NAALADL2: variants seen among roughly 807,000 people sequenced by gnomAD.
NAALADL2 encodes the protein inactive N-acetylated-alpha-linked acidic dipeptidase-like protein 2.
A neutral mutation model predicts 87.2 loss-of-function variants in NAALADL2; 76 were observed. The observed-to-expected ratio is 0.87, with a 90% CI of 0.72 to 1.05. The LOEUF is 1.05. NAALADL2 is among the 50% of genes least tolerant of loss of function. The pLI is 0.00. For missense variants in NAALADL2, 1,089 were observed against 945.8 expected (o/e 1.15, Z -1.99); for synonymous variants, 354 against 331.0 (o/e 1.07, Z -0.75).
chr3:175,675,584 AT>A (rs1328531654), intron 11 of NAALADL2: 1 of 152,358 alleles, frequency 6.6e-6, no homozygotes, highest in East Asian at 1.9e-4. Flanking sequence ...TTAGATGAAT[AT>A]AACCCATTGA....
chr3:174,733,255 T>A (rs939817375), intron 2 of NAALADL2, among the ~76,000 whole-genome samples: 4 of 152,170 alleles, frequency 2.6e-5, no homozygotes, highest in Non-Finnish European at 5.9e-5. Flanking sequence ...TTCAGGCAAG[T>A]TTTTCTGCAA....
intron 2 of NAALADL2, among the ~76,000 whole-genome samples, chr3:174,622,963 A>C (rs1721175348): frequency 1.3e-5 from 2 of 152,186 alleles, no homozygotes; most frequent in South Asian, 4.1e-4. Context: ...GAATGGCGTG[A>C]ACCCAGGAGG....
chr3:175,339,212 C>T (rs576124619), intron 5 of NAALADL2, among the ~76,000 whole-genome samples: 2 of 152,156 alleles, frequency 1.3e-5, no homozygotes, highest in South Asian at 2.1e-4. Context: ...AATCACTAAT[C>T]GAAAGATAGA....
chr3:175,210,909 A>G (rs977042256), intron 2 of NAALADL2, among the ~76,000 whole-genome samples: 1 of 151,788 alleles, frequency 6.6e-6, no homozygotes, highest in Non-Finnish European at 1.5e-5. Flanking sequence ...AGCAGGATTT[A>G]TTTATTTATT....
At chr3:174,595,558 T>G (rs1404705549) in intron 2 of NAALADL2, among the ~76,000 whole-genome samples, 2 of 152,154 alleles carry the variant, frequency 1.3e-5, no homozygotes, top group African/African-American at 4.8e-5. Flanking sequence ...TCCCACCACT[T>G]CCTATCAATC....
chr3:175,215,392 T>C (rs2109304383), intron 2 of NAALADL2, among the ~76,000 whole-genome samples: 1 of 152,306 alleles, frequency 6.6e-6, no homozygotes, highest in South Asian at 2.1e-4. Flanking sequence ...CATTTTTCCA[T>C]ACATGTCTTG....
At chr3:175,353,634 T>C (rs1764027545) in intron 5 of NAALADL2, among the ~76,000 whole-genome samples, 1 of 152,214 alleles carries the variant, frequency 6.6e-6, no homozygotes, top group South Asian at 2.1e-4. Flanking sequence ...ATTTTGAGTT[T>C]CAAAGACTCT....
rs756972959 is a variant in NAALADL2 at position 175,627,405 on chromosome 3, C to T, written c.1896+19C>T. 3.1e-5 allele frequency: 44 copies of T among 1,425,376 alleles called. No homozygotes were observed. The highest frequency in any genetic ancestry group is 4.1e-5 in the Non-Finnish European group (43 of 1,040,114). 88.3% of individuals were successfully genotyped at this position (1,425,376 alleles called of 1,614,324 possible). A position where few individuals can be genotyped will look rare whatever the true frequency, so the allele number is the denominator to read the frequency against. ...TACTAAGGTAGGGGAGAAATGCATT[C>T]AAAAATAGGTGAGAAATATTTGTTC... On this transcript the variant is annotated intron_variant, in intron 11 of 13. Coordinates refer to ENST00000454872, the MANE Select transcript of NAALADL2 (RefSeq NM_207015.3).
At chr3:175,272,160 A>C (rs1752935577) in intron 4 of NAALADL2, among the ~76,000 whole-genome samples, 2 of 152,158 alleles carry the variant, frequency 1.3e-5, no homozygotes, top group Admixed American at 6.5e-5. Context: ...TCATTTTTAG[A>C]CATCGATGGA....
intron 2 of NAALADL2, among the ~76,000 whole-genome samples, chr3:175,167,305 G>C (rs911291249): frequency 3.9e-5 from 6 of 152,076 alleles, no homozygotes; most frequent in African/African-American, 1.4e-4. Context: ...TACAGCTAGA[G>C]TGAGCTCTCT....
At chr3:175,788,758 G>C (rs1035801497) in intron 13 of NAALADL2, among the ~76,000 whole-genome samples, 3 of 152,108 alleles carry the variant, frequency 2.0e-5, no homozygotes, top group African/African-American at 7.2e-5. Context: ...ATATTTCTTA[G>C]AAAACAATGT....
chr3:174,538,624 A>AT (rs1055136970), intron 1 of NAALADL2, among the ~76,000 whole-genome samples: 3 of 152,172 alleles, frequency 2.0e-5, no homozygotes, highest in South Asian at 2.1e-4. Context: ...AGATTCTGGC[A>AT]TTTTTTTAAG....
intron 1 of NAALADL2, among the ~76,000 whole-genome samples, chr3:174,863,483 T>C (rs114427214): frequency 0.015 from 2,210 of 152,132 alleles, 45 homozygotes; most frequent in African/African-American, 0.051. Flanking sequence ...CTAGGAGAAG[T>C]TGGCTTGTAA....
intron 4 of NAALADL2, among the ~76,000 whole-genome samples, chr3:175,295,741 ACACACT>A (rs1337795884): frequency 6.6e-6 from 1 of 150,676 alleles, no homozygotes; most frequent in African/African-American, 2.5e-5. Context: ...ACACACACAC[ACACACT>A]CCCTCTCTCT....
intron 1 of NAALADL2, among the ~76,000 whole-genome samples, chr3:174,968,679 C>G (rs1034348134): frequency 3.3e-5 from 5 of 152,150 alleles, no homozygotes; most frequent in Admixed American, 3.3e-4. Context: ...GGGGTTTCAC[C>G]AAGTTGACCA....
chr3:175,244,823 C>G (rs1205909558), intron 3 of NAALADL2, among the ~76,000 whole-genome samples: 1 of 152,170 alleles, frequency 6.6e-6, no homozygotes, highest in Non-Finnish European at 1.5e-5. Flanking sequence ...TCATCACCCT[C>G]TATTACATTA....
intron 1 of NAALADL2, among the ~76,000 whole-genome samples, chr3:175,054,302 T>C (rs1056140726): frequency 9.2e-5 from 14 of 152,180 alleles, no homozygotes; most frequent in African/African-American, 3.4e-4. Context: ...GCTGGAATTG[T>C]AAATGCAAAC....
intron 2 of NAALADL2, among the ~76,000 whole-genome samples, chr3:174,642,749 CAT>C (rs71624288): frequency 0.037 from 4,748 of 128,078 alleles, 73 homozygotes; most frequent in Non-Finnish European, 0.057. Context: ...TGAAAAAAAA[CAT>C]ATATATATAT....
intron 11 of NAALADL2, among the ~76,000 whole-genome samples, chr3:175,653,636 T>C (rs1448635052): frequency 6.6e-6 from 1 of 152,202 alleles, no homozygotes; most frequent in Non-Finnish European, 1.5e-5. Flanking sequence ...GGCTCTGTCA[T>C]AAATTCCATG....
Sources: allele counts gnomAD v4.1 joint callset (sites outside exome capture counted in the v4.1 genomes callset), GRCh38; gene constraint gnomAD v4.1.1; transcripts MANE v1.5; gene names NCBI Gene and HGNC (gene_info 2026-07-23, HGNC 2026-07-21).